The following DENND1A variants were observed in gnomAD, a reference collection of about 807,000 sequenced individuals.
The protein encoded by DENND1A is DENN domain containing 1A.
Under a neutral mutation model 113.7 loss-of-function variants are expected in DENND1A, and 51 were observed. That is an observed-to-expected ratio of 0.45 (90% CI 0.36 to 0.57). DENND1A has a LOEUF of 0.57. Ranked by LOEUF, DENND1A falls within the 20% of genes least tolerant of loss-of-function variation. DENND1A has a pLI of 0.00. For missense variants in DENND1A, 1,258 were observed against 1,395.9 expected, an observed-to-expected ratio of 0.90 and a Z score of 1.57; for synonymous variants, 565 against 570.8, an observed-to-expected ratio of 0.99 and a Z score of 0.14.
chr9:123,806,202 C>T (rs928842508), intron 2 of DENND1A, among the ~76,000 whole-genome samples: 1 of 152,100 alleles, frequency 6.6e-6, no homozygotes, highest in Non-Finnish European at 1.5e-5. Context: ...GATCCACCCG[C>T]CTCAGCCTCC....
intron 21 of DENND1A, among the ~76,000 whole-genome samples, chr9:123,397,374 C>T (rs563930197): frequency 5.3e-5 from 8 of 152,268 alleles, no homozygotes; most frequent in African/African-American, 1.9e-4. Context: ...AGGCTGGTGT[C>T]GAACTCCTGA....
chr9:123,863,911 AAT>A (rs1047818198), intron 2 of DENND1A, among the ~76,000 whole-genome samples: 6 of 152,028 alleles, frequency 3.9e-5, no homozygotes, highest in Non-Finnish European at 8.8e-5. Flanking sequence ...TTTTAAATTA[AAT>A]ATATGAGATT....
At chr9:123,716,679 C>T (rs543961270) in intron 5 of DENND1A, among the ~76,000 whole-genome samples, 2 of 152,184 alleles carry the variant, frequency 1.3e-5, no homozygotes, top group Admixed American at 6.5e-5. Context: ...AAAGTACAAA[C>T]GAATGCAGTG....
At chr9:123,791,662 C>T (rs1272914491) in intron 3 of DENND1A, among the ~76,000 whole-genome samples, 1 of 152,116 alleles carries the variant, frequency 6.6e-6, no homozygotes, top group African/African-American at 2.4e-5. Flanking sequence ...TATCACTGTA[C>T]TGGGTATTTC....
intron 1 of DENND1A, among the ~76,000 whole-genome samples, chr9:123,882,930 G>A (rs1217651819): frequency 1.3e-5 from 2 of 152,148 alleles, no homozygotes; most frequent in Admixed American, 1.3e-4. Context: ...CCTTAGCAAT[G>A]CCTACAAAGT....
At chr9:123,734,528 A>C (rs2068417660) in intron 5 of DENND1A, among the ~76,000 whole-genome samples, 1 of 152,294 alleles carries the variant, frequency 6.6e-6, no homozygotes, top group Admixed American at 6.5e-5. Flanking sequence ...TCCTTAGCCT[A>C]AGTCAAATAA....
chr9:123,905,588 C>T (rs1319923444), intron 1 of DENND1A, among the ~76,000 whole-genome samples: 8 of 141,350 alleles, frequency 5.7e-5, no homozygotes, highest in Non-Finnish European at 1.1e-4. Context: ...TTTAAACCAA[C>T]AAAGATCAAA....
At chr9:123,737,062 A>C (rs1490373591) in intron 5 of DENND1A, among the ~76,000 whole-genome samples, 1 of 152,248 alleles carries the variant, frequency 6.6e-6, no homozygotes, top group Non-Finnish European at 1.5e-5. Context: ...GAGGTGAGCT[A>C]ATGGAGAATA....
chr9:123,401,407 C>T, intron 21 of DENND1A: 1 of 882,088 alleles, frequency 1.1e-6, no homozygotes, highest in Non-Finnish European at 1.4e-6. Context: ...AGAAATACCA[C>T]TGGTATTATG....
rs138854201 is a variant in DENND1A, at chr9:123,729,367, C to T, written c.302+28336G>A. 5.1e-3 allele frequency among the ~76,000 whole-genome samples: 774 copies of T among 152,248 alleles called. 2 individuals are homozygous for T. Among genetic ancestry groups the T allele is most frequent in the African/African-American group, 7.6e-3 (315 of 41,544 alleles). ...TGATTGTATATTTAGAAAATCACAT[C>T]GTCTCAGCTCAAAATCTCCTTAAGC... On this transcript the variant is annotated intron_variant, in intron 5 of 23. Transcript: ENST00000394215.
intron 13 of DENND1A, among the ~76,000 whole-genome samples, chr9:123,502,180 G>T: frequency 6.9e-6 from 1 of 145,436 alleles, no homozygotes; most frequent in African/African-American, 2.6e-5. Context: ...ACTAATACAG[G>T]CTCCATATCT....
In DENND1A at chr9:123,525,231, G is replaced by A. The variant is rs141445828; in HGVS notation, c.993+32339C>T. Among the ~76,000 whole-genome samples, 11 of 152,338 alleles carry A rather than the reference G, an allele frequency of 7.2e-5. No homozygotes were observed. The East Asian group carries it at 1.9e-3, about 27-fold the overall frequency. ...CTATGGAAAGGCTGCATGGGAACCA[G>A]GACCCAGGGAGCAGCCCTCTTCAGA... On this transcript the variant is annotated intron_variant, in intron 13 of 23. Transcript: ENST00000394215.
intron 5 of DENND1A, among the ~76,000 whole-genome samples, chr9:123,744,753 CT>C (rs2069329781): frequency 7.2e-6 from 1 of 138,346 alleles, no homozygotes; most frequent in Non-Finnish European, 1.6e-5. Context: ...TACCAATATT[CT>C]TTACTTATAT....
intron 10 of DENND1A, among the ~76,000 whole-genome samples, chr9:123,629,398 A>C (rs773377041): frequency 6.6e-6 from 1 of 152,226 alleles, no homozygotes; most frequent in Non-Finnish European, 1.5e-5. Flanking sequence ...GAAATTATTC[A>C]TGAGGAAAAG....
chr9:123,690,745 C>T (rs1484875051), intron 5 of DENND1A, among the ~76,000 whole-genome samples: 1 of 152,248 alleles, frequency 6.6e-6, no homozygotes, highest in African/African-American at 2.4e-5. Flanking sequence ...TCCAAGTGGT[C>T]TTGCCGAAGG....
chr9:123,671,508 T>G (rs1589605217), intron 6 of DENND1A, 137 bp from the exon 7 acceptor site: 1 of 788,318 alleles, frequency 1.3e-6, no homozygotes, highest in Middle Eastern at 2.6e-4. Flanking sequence ...TTGATATTCA[T>G]GTAGGGTTTG....
At chr9:123,493,163 C>T (rs2051536796) in intron 13 of DENND1A, 1 of 152,258 alleles carries the variant, frequency 6.6e-6, no homozygotes, top group Non-Finnish European at 1.5e-5. Flanking sequence ...TCCCCAGGCA[C>T]TGTGTCAGGT....
intron 13 of DENND1A, among the ~76,000 whole-genome samples, chr9:123,539,598 T>G (rs773852342): frequency 3.9e-5 from 6 of 152,084 alleles, no homozygotes; most frequent in Admixed American, 6.5e-5. Flanking sequence ...AAGTTCTGTT[T>G]CTTGTTTTGG....
At chr9:123,641,980 C>T (rs1163383455) in intron 9 of DENND1A, among the ~76,000 whole-genome samples, 2 of 152,124 alleles carry the variant, frequency 1.3e-5, no homozygotes, top group African/African-American at 4.8e-5. Context: ...GAATCCTGTG[C>T]CTCATCCAAA....
Sources: allele counts gnomAD v4.1 joint callset (sites outside exome capture counted in the v4.1 genomes callset), GRCh38; gene constraint gnomAD v4.1.1; transcripts MANE v1.5; gene names NCBI Gene and HGNC (gene_info 2026-07-23, HGNC 2026-07-21).